The following OPTN variants were observed in gnomAD, a reference collection of about 807,000 sequenced individuals.
The protein encoded by OPTN is optineurin.
A neutral mutation model predicts 70.4 loss-of-function variants in OPTN; 54 were observed. The ratio of observed to expected loss-of-function variants is 0.77; its 90% CI spans 0.62 to 0.96. The LOEUF is 0.96. OPTN is among the 40% of genes least tolerant of loss of function. OPTN has a pLI of 0.00. For synonymous variants in OPTN, 256 were observed against 248.5 expected, an observed-to-expected ratio of 1.03 and a Z score of -0.28; for missense variants, 624 against 673.2, an observed-to-expected ratio of 0.93 and a Z score of 0.81.
Position 13,115,514 on chromosome 10 carries a change from A to AT in OPTN, c.553-753_553-752insT, listed in dbSNP as rs1564360041. ...ATATTATATAATATAGAATATATAT[A>AT]ATATATTCTATAATATATAATATAG... On this transcript the variant is annotated intron_variant, in intron 5 of 14. Coordinates refer to ENST00000378747, the MANE Select transcript of OPTN (RefSeq NM_001008212.2). Among the ~76,000 whole-genome samples, 112 of 97,982 alleles carry AT rather than the reference A, an allele frequency of 1.1e-3. 2 individuals carry two copies. Among genetic ancestry groups the AT allele is most frequent in the African/African-American group, 5.4e-3 (101 of 18,768 alleles). 64.3% of individuals were successfully genotyped at this position (97,982 alleles called of 152,430 possible). A position where few individuals can be genotyped will look rare whatever the true frequency, so the allele number is the denominator to read the frequency against.
intron 3 of OPTN, 115 bp downstream of exon 3, chr10:13,109,403 C>A: frequency 9.4e-7 from 1 of 1,062,078 alleles, no homozygotes. Flanking sequence ...TAGGTGGTAG[C>A]TGGTGGGGAA....
At chr10:13,123,525 T>C (rs758668352) in intron 8 of OPTN, among the ~76,000 whole-genome samples, 2 of 152,150 alleles carry the variant, frequency 1.3e-5, no homozygotes, top group Non-Finnish European at 2.9e-5. Flanking sequence ...CAGGGAAATA[T>C]GGTCTTTCAA....
intron 1 of OPTN, among the ~76,000 whole-genome samples, chr10:13,104,254 C>CTTTTTTTTT (rs60982439): frequency 1.0e-5 from 1 of 97,838 alleles, no homozygotes; most frequent in African/African-American, 4.0e-5. Flanking sequence ...GTTTTTTTTT[C>CTTTTTTTTT]TTTTTTTTTT....
chr10:13,120,689 T>G (rs1453168523), intron 7 of OPTN, among the ~76,000 whole-genome samples: 5 of 152,212 alleles, frequency 3.3e-5, no homozygotes, highest in Non-Finnish European at 7.3e-5. Context: ...GACTCTCAGT[T>G]CTGTTTCATT....
chr10:13,100,693 A>G (rs1198786243), intron 1 of OPTN, among the ~76,000 whole-genome samples: 4 of 152,212 alleles, frequency 2.6e-5, no homozygotes, highest in Non-Finnish European at 4.4e-5. Context: ...TGTGGGAGAC[A>G]TGGGACCACT....
In OPTN at chr10:13,132,248, A is replaced by G. The variant is rs1483553579; in HGVS notation, c.1532+51A>G. 5 of 1,602,278 alleles carry G rather than the reference A, an allele frequency of 3.1e-6. No homozygotes were observed. The East Asian group carries it at 6.7e-5, about 22-fold the overall frequency. On this transcript the variant is annotated intron_variant, in intron 13 of 14. Transcript: ENST00000378747. ...AGAGCTCACATCAGCATGGCCGTAG[A>G]AGAGGTGCCTGTCCAAAGACGTTCC...
chr10:13,111,614 C>A (rs1451297114), intron 4 of OPTN, among the ~76,000 whole-genome samples: 1 of 151,904 alleles, frequency 6.6e-6, no homozygotes, highest in Admixed American at 6.6e-5. Flanking sequence ...AGGAGAATTG[C>A]TTAAACCCGA....
chr10:13,133,427 TG>T, intron 13 of OPTN, 74 bp from the exon 14 acceptor site: 1 of 1,283,370 alleles, frequency 7.8e-7, no homozygotes, highest in African/African-American at 1.5e-5. Flanking sequence ...CCTACTTCTG[TG>T]GACTGTCTGC....
intron 9 of OPTN, among the ~76,000 whole-genome samples, 184 bp from the exon 10 acceptor site, chr10:13,125,234 C>T (rs1161436698): frequency 6.6e-6 from 1 of 152,022 alleles, no homozygotes; most frequent in African/African-American, 2.4e-5. Context: ...TATGTTTAGG[C>T]GTAAGGGTTC....
chr10:13,132,289 G>A, intron 13 of OPTN, 92 bp downstream of exon 13: 1 of 1,474,704 alleles, frequency 6.8e-7, no homozygotes, highest in South Asian at 1.1e-5. Context: ...TGAACTATAA[G>A]AATAGCTGTG....
At chr10:13,128,584 C>T (rs1361830328) in intron 12 of OPTN, among the ~76,000 whole-genome samples, 3 of 135,602 alleles carry the variant, frequency 2.2e-5, no homozygotes, top group Non-Finnish European at 3.1e-5. Flanking sequence ...GCTCTGTCGC[C>T]CAGGCTGGAG....
chr10:13,110,517 C>A, intron 4 of OPTN, 41 bp downstream of exon 4: 1 of 1,558,534 alleles, frequency 6.4e-7, no homozygotes, highest in East Asian at 2.3e-5. Flanking sequence ...TTTTTTTTTT[C>A]CCTTGACATT....
At position 13,136,740 on chromosome 10, in the gene OPTN, C is replaced by T. The variant is rs769868875; in HGVS notation, c.1613-5C>T. On this transcript the variant is annotated splice_polypyrimidine_tract_variant and splice_region_variant and intron_variant, in intron 14 of 14. Transcript: ENST00000378747. ...AACTAATGGAATTATCATACTTATT[C>T]CCAGGAGCTGAGGACAGGGACTGGC... 2 of 1,613,928 alleles carry T rather than the reference C, an allele frequency of 1.2e-6. No homozygotes were observed. The highest frequency in any genetic ancestry group is 2.2e-5 in the East Asian group (1 of 44,884).
chr10:13,125,548 G>T lies in OPTN; in HGVS notation c.1129G>T (p.Ala377Ser). Residue 377 changes from alanine (A) to serine (S), a missense_variant, in exon 10 of 15, where the codon GCT becomes TCT. Coordinates refer to ENST00000378747, the MANE Select transcript of OPTN (RefSeq NM_001008212.2). Reference protein sequence around the residue: ...SMLSEIKMEQAKTEDEKSKLT... With the variant: ...SMLSEIKMEQSKTEDEKSKLT... ...GCTATCAGAAATCAAAATGGAACAG[G>T]CTAAAACAGAGGATGAAAAGTGAGT... 6.2e-7 allele frequency: 1 copy of T among 1,614,156 alleles called. No individual in the cohort carries two copies.
intron 11 of OPTN, 142 bp from the exon 12 acceptor site, chr10:13,127,603 C>A: frequency 1.2e-6 from 1 of 860,458 alleles, no homozygotes; most frequent in Non-Finnish European, 1.9e-6. Flanking sequence ...ACGATCCTCC[C>A]ACCTCAGCCT....
chr10:13,116,986 C>CACCA (rs558477077), intron 6 of OPTN, among the ~76,000 whole-genome samples: 7 of 152,192 alleles, frequency 4.6e-5, no homozygotes, highest in African/African-American at 1.7e-4. Context: ...AAGCAGTGCT[C>CACCA]ACCAAGGAGA....
chr10:13,132,330 A>AG, intron 13 of OPTN, 133 bp downstream of exon 13: 1 of 808,560 alleles, frequency 1.2e-6, no homozygotes, highest in Non-Finnish European at 2.0e-6. Context: ...CCTAGGTGAC[A>AG]GAGCGAGTCC....
At chr10:13,122,625 C>A (rs1327680741) in intron 8 of OPTN, 138 bp downstream of exon 8, 2 of 721,554 alleles carry the variant, frequency 2.8e-6, no homozygotes, top group Non-Finnish European at 5.1e-6. Context: ...TCTATCTATT[C>A]CTTTTATATG....
chr10:13,126,145 A>G, intron 11 of OPTN, 106 bp downstream of exon 11: 1 of 749,682 alleles, frequency 1.3e-6, no homozygotes, highest in South Asian at 1.6e-5. Context: ...TCTGGTTTCA[A>G]AGGTTGTTTT....
Sources: gnomAD v4.1 joint callset for allele counts (sites outside exome capture counted in the v4.1 genomes callset) on GRCh38, gnomAD v4.1.1 for gene constraint, MANE v1.5 for transcripts, NCBI Gene and HGNC (gene_info 2026-07-23, HGNC 2026-07-21) for gene names.